Variants in TGFBR3 observed in about 807,000 individuals in gnomAD.
TGFBR3 encodes transforming growth factor beta receptor 3.
TGFBR3 carries 46 observed loss-of-function variants against 87.9 expected under a neutral mutation model. The observed-to-expected ratio is 0.52, with a 90% CI of 0.41 to 0.67. The LOEUF is 0.67. TGFBR3 is among the 30% of genes least tolerant of loss of function. TGFBR3 has a pLI of 0.00. For synonymous variants in TGFBR3, 381 were observed against 391.6 expected, an observed-to-expected ratio of 0.97 and a Z score of 0.32; for missense variants, 866 against 1,041.9, an observed-to-expected ratio of 0.83 and a Z score of 2.32.
At chr1:91,762,743 C>T (rs565878069) in intron 3 of TGFBR3, among the ~76,000 whole-genome samples, 1 of 152,360 alleles carries the variant, frequency 6.6e-6, no homozygotes, top group Non-Finnish European at 1.5e-5. Flanking sequence ...GTTAATTGGT[C>T]TAACCTGTTC....
chr1:91,768,786 A>G (rs1004938760), intron 3 of TGFBR3, among the ~76,000 whole-genome samples: 2 of 149,802 alleles, frequency 1.3e-5, no homozygotes, highest in Non-Finnish European at 3.0e-5. Context: ...TTGTGAGCCA[A>G]TTAAACCTCT....
chr1:91,738,889 C>G (rs1271591597), intron 4 of TGFBR3, among the ~76,000 whole-genome samples: 1 of 152,048 alleles, frequency 6.6e-6, no homozygotes, highest in African/African-American at 2.4e-5. Context: ...AATAAGACAG[C>G]CAGAGGAGCA....
At chr1:91,870,097 C>T (rs949495734) in intron 1 of TGFBR3, among the ~76,000 whole-genome samples, 14 of 152,266 alleles carry the variant, frequency 9.2e-5, no homozygotes, top group African/African-American at 2.4e-4. Flanking sequence ...ATATAACTTA[C>T]GTAAACAAAA....
intron 4 of TGFBR3, among the ~76,000 whole-genome samples, chr1:91,747,533 A>G (rs1358910529): frequency 6.6e-6 from 1 of 152,242 alleles, no homozygotes; most frequent in Non-Finnish European, 1.5e-5. Context: ...AAGCAACGAA[A>G]TAATTACTTG....
chr1:91,711,349 T>C (rs1188028472), intron 13 of TGFBR3, among the ~76,000 whole-genome samples: 4 of 152,330 alleles, frequency 2.6e-5, no homozygotes, highest in African/African-American at 9.6e-5. Context: ...GGAATTCAGA[T>C]CAATTGTAAT....
intron 6 of TGFBR3, 92 bp downstream of exon 6, chr1:91,729,713 G>T: frequency 1.4e-6 from 2 of 1,438,856 alleles, no homozygotes; most frequent in South Asian, 1.1e-5. Context: ...CGTAGGGGAG[G>T]GTGTAGGACG....
intron 2 of TGFBR3, among the ~76,000 whole-genome samples, chr1:91,839,191 T>TA (rs757152420): frequency 2.6e-5 from 4 of 152,288 alleles, no homozygotes; most frequent in Non-Finnish European, 4.4e-5. Context: ...TTGACCAGCC[T>TA]GGTCTCAAAC....
intron 4 of TGFBR3, among the ~76,000 whole-genome samples, chr1:91,739,284 C>T (rs1187618695): frequency 6.6e-6 from 1 of 152,108 alleles, no homozygotes; most frequent in Non-Finnish European, 1.5e-5. Flanking sequence ...ACAGTGGTCA[C>T]TCACACCAGG....
chr1:91,808,611 A>G (rs566278981), intron 2 of TGFBR3, among the ~76,000 whole-genome samples: 1 of 152,094 alleles, frequency 6.6e-6, no homozygotes, highest in Non-Finnish European at 1.5e-5. Context: ...AATTACAGGC[A>G]TGCACCACCA....
intron 2 of TGFBR3, among the ~76,000 whole-genome samples, chr1:91,841,749 A>C (rs1186058583): frequency 1.4e-5 from 2 of 142,194 alleles, no homozygotes; most frequent in East Asian, 2.0e-4. Context: ...AGCTGAGATC[A>C]CGCCACTGCA....
chr1:91,794,670 T>C (rs1675310688), intron 3 of TGFBR3, among the ~76,000 whole-genome samples: 1 of 152,234 alleles, frequency 6.6e-6, no homozygotes. Context: ...TCTGTCTTTT[T>C]TCATTTAGTG....
At chr1:91,789,993 T>A (rs1321828940) in intron 3 of TGFBR3, among the ~76,000 whole-genome samples, 1 of 152,180 alleles carries the variant, frequency 6.6e-6, no homozygotes, top group East Asian at 1.9e-4. Context: ...ACAGACAGAT[T>A]CAGTTGCCTT....
At chr1:91,724,908 C>T (rs573913875) in intron 7 of TGFBR3, among the ~76,000 whole-genome samples, 60 of 152,286 alleles carry the variant, frequency 3.9e-4, no homozygotes, top group African/African-American at 1.3e-3. Context: ...GGCCAGAGAG[C>T]GTAGTGCATA....
Position 91,876,014 on chromosome 1 carries a change from A to AG in TGFBR3, c.-114+9863dup, listed in dbSNP as rs1439362494. Among the ~76,000 whole-genome samples, 4 of 1,892 alleles carry AG rather than the reference A, an allele frequency of 2.1e-3. No individual in the cohort carries two copies. The South Asian group carries it at 0.13, about 63-fold the overall frequency. 1.2% of individuals were successfully genotyped at this position (1,892 alleles called of 152,430 possible). A position where few individuals can be genotyped will look rare whatever the true frequency, so the allele number is the denominator to read the frequency against. ...AGGAGAACTCGTTTCAGGGAAACCA[A>AG]GAAAAAAAATGGGGGAAAAAGGATA... is the stretch of plus-strand genomic sequence containing the variant. On this transcript the variant is annotated intron_variant, in intron 1 of 16. Coordinates refer to ENST00000212355, the MANE Select transcript of TGFBR3 (RefSeq NM_003243.5).
chr1:91,834,069 T>C (rs549398838), intron 2 of TGFBR3, among the ~76,000 whole-genome samples: 1 of 152,254 alleles, frequency 6.6e-6, no homozygotes, highest in Non-Finnish European at 1.5e-5. Flanking sequence ...CATTATATAC[T>C]GGAATTTTCA....
intron 7 of TGFBR3, among the ~76,000 whole-genome samples, chr1:91,726,843 G>C (rs1672567904): frequency 1.5e-5 from 2 of 137,238 alleles, no homozygotes; most frequent in Non-Finnish European, 3.2e-5. Context: ...AGATACTAAA[G>C]AGATAATTAT....
At chr1:91,739,886 GGAGGAAGA>G (rs1166040260) in intron 4 of TGFBR3, among the ~76,000 whole-genome samples, 3 of 152,166 alleles carry the variant, frequency 2.0e-5, no homozygotes, top group Non-Finnish European at 4.4e-5. Flanking sequence ...GGCAGGAGCA[GGAGGAAGA>G]GAGGGAGTGG....
intron 1 of TGFBR3, among the ~76,000 whole-genome samples, chr1:91,877,631 A>G (rs67510747): frequency 0.085 from 12,982 of 152,308 alleles, 617 homozygotes; most frequent in African/African-American, 0.13. Flanking sequence ...AAGATGCCAC[A>G]AATTGAAAAA....
chr1:91,709,631 A>C (rs1161761259), intron 13 of TGFBR3, among the ~76,000 whole-genome samples: 2 of 152,210 alleles, frequency 1.3e-5, no homozygotes, highest in Non-Finnish European at 2.9e-5. Flanking sequence ...AGGCCATGAG[A>C]TTAGCCGCTT....
Sources: gnomAD v4.1 joint callset for allele counts (sites outside exome capture counted in the v4.1 genomes callset) on GRCh38, gnomAD v4.1.1 for gene constraint, MANE v1.5 for transcripts, NCBI Gene and HGNC (gene_info 2026-07-23, HGNC 2026-07-21) for gene names.